The following TOX variants were observed in gnomAD, a reference collection of about 807,000 sequenced individuals.
The protein encoded by TOX is thymocyte selection associated high mobility group box.
TOX carries 11 observed loss-of-function variants against 53.7 expected under a neutral mutation model. The ratio of observed to expected loss-of-function variants is 0.20; its 90% CI spans 0.13 to 0.34. The LOEUF (loss-of-function observed/expected upper bound fraction) is 0.34. TOX is among the 10% of genes least tolerant of loss of function. The pLI is 1.00. For synonymous variants in TOX, 225 were observed against 245.3 expected (o/e 0.92, Z 0.77); for missense variants, 570 against 664.6 (o/e 0.86, Z 1.56).
chr8:59,071,991 T>C (rs1804205133), intron 1 of TOX, among the ~76,000 whole-genome samples: 1 of 152,220 alleles, frequency 6.6e-6, no homozygotes, highest in South Asian at 2.1e-4. Context: ...AATATAAAGT[T>C]AAAATATCGA....
chr8:58,898,895 T>C (rs10093993), intron 3 of TOX, among the ~76,000 whole-genome samples: 83,941 of 152,020 alleles, frequency 0.55, 23,679 homozygotes, highest in African/African-American at 0.66. Context: ...AACGGAGGTG[T>C]TTGTACAAAT....
chr8:58,875,106 C>T lies in TOX; in HGVS notation c.412-23301G>A, dbSNP rs115443840. 1.5e-3 allele frequency among the ~76,000 whole-genome samples: 233 copies of T among 152,292 alleles called. 2 individuals carry two copies. The highest frequency in any genetic ancestry group is 5.3e-3 in the African/African-American group (221 of 41,566). Reference sequence around the variant, plus strand: ...ACCTCTGAGTACAGCCGACAGTTCACGGAGTCTTTCCTTGGTATGTTTGGA... The same window carrying T: ...ACCTCTGAGTACAGCCGACAGTTCATGGAGTCTTTCCTTGGTATGTTTGGA... On this transcript the variant is annotated intron_variant, in intron 3 of 8. Coordinates refer to ENST00000361421, the MANE Select transcript of TOX (RefSeq NM_014729.3).
At chr8:59,012,964 C>T (rs1331281618) in intron 1 of TOX, among the ~76,000 whole-genome samples, 1 of 149,914 alleles carries the variant, frequency 6.7e-6, no homozygotes, top group Non-Finnish European at 1.5e-5. Flanking sequence ...AGTCAGGAAA[C>T]ACTGGTGACA....
intron 5 of TOX, among the ~76,000 whole-genome samples, chr8:58,831,205 G>A (rs10088672): frequency 0.031 from 4,785 of 152,134 alleles, 245 homozygotes; most frequent in African/African-American, 0.11. Flanking sequence ...GTAAGAATCC[G>A]AACCGAGGTC....
intron 1 of TOX, among the ~76,000 whole-genome samples, chr8:59,114,218 A>G (rs1805064637): frequency 6.6e-6 from 1 of 152,256 alleles, no homozygotes; most frequent in Non-Finnish European, 1.5e-5. Context: ...TAAGCAAAAT[A>G]CCAAAATTCT....
intron 1 of TOX, among the ~76,000 whole-genome samples, chr8:59,111,535 A>AAC (rs1052845507): frequency 2.0e-5 from 3 of 151,774 alleles, no homozygotes; most frequent in Admixed American, 6.6e-5. Context: ...GAGAAACACA[A>AAC]ACACACACAC....
At chr8:58,955,195 C>G (rs1373192127) in intron 2 of TOX, among the ~76,000 whole-genome samples, 2 of 151,982 alleles carry the variant, frequency 1.3e-5, no homozygotes, top group Non-Finnish European at 2.9e-5. Context: ...AAGAAAGAGA[C>G]AGAATTCCAG....
chr8:58,959,442 G>T (rs1284364674), intron 2 of TOX, among the ~76,000 whole-genome samples: 1 of 151,856 alleles, frequency 6.6e-6, no homozygotes, highest in Non-Finnish European at 1.5e-5. Context: ...ATGTTTTTTG[G>T]CCTGAAAGCT....
At chr8:58,937,922 A>G (rs1812373797) in intron 3 of TOX, among the ~76,000 whole-genome samples, 1 of 152,170 alleles carries the variant, frequency 6.6e-6, no homozygotes, top group Non-Finnish European at 1.5e-5. Flanking sequence ...AGGTGACTAC[A>G]CTGAAATACA....
At chr8:58,873,045 C>G (rs1811224278) in intron 3 of TOX, among the ~76,000 whole-genome samples, 1 of 151,982 alleles carries the variant, frequency 6.6e-6, no homozygotes, top group Non-Finnish European at 1.5e-5. Flanking sequence ...AAAAATTGCC[C>G]CAGTTTTACT....
chr8:58,963,330 G>T (rs980792580), intron 1 of TOX, among the ~76,000 whole-genome samples: 1 of 151,446 alleles, frequency 6.6e-6, no homozygotes, highest in African/African-American at 2.4e-5. Flanking sequence ...TAGATAGATA[G>T]ATAGATAGAT....
intron 1 of TOX, among the ~76,000 whole-genome samples, chr8:59,111,904 T>C (rs1327835478): frequency 2.0e-5 from 3 of 152,132 alleles, no homozygotes; most frequent in Admixed American, 1.3e-4. Context: ...CATTTAAATC[T>C]CCCAAGCAAA....
At chr8:59,091,493 G>C (rs1027966436) in intron 1 of TOX, among the ~76,000 whole-genome samples, 1 of 151,806 alleles carries the variant, frequency 6.6e-6, no homozygotes, top group Non-Finnish European at 1.5e-5. Context: ...TTACCAATAT[G>C]CTCTTCTTGG....
At chr8:58,877,427 C>T (rs1811304566) in intron 3 of TOX, among the ~76,000 whole-genome samples, 1 of 152,202 alleles carries the variant, frequency 6.6e-6, no homozygotes, top group Non-Finnish European at 1.5e-5. Context: ...TGTGGTCCCG[C>T]ACAAAATTGT....
intron 3 of TOX, among the ~76,000 whole-genome samples, chr8:58,892,228 C>A (rs750478508): frequency 2.0e-5 from 3 of 152,020 alleles, no homozygotes; most frequent in Non-Finnish European, 4.4e-5. Flanking sequence ...TTATGGCATG[C>A]CTTAATGCAA....
At chr8:58,848,498 A>G (rs1329321758) in intron 4 of TOX, among the ~76,000 whole-genome samples, 1 of 152,136 alleles carries the variant, frequency 6.6e-6, no homozygotes. Flanking sequence ...TTCAACAGAA[A>G]AGCAGAAAGT....
intron 1 of TOX, among the ~76,000 whole-genome samples, chr8:59,050,394 C>T (rs1015627085): frequency 3.9e-5 from 6 of 152,052 alleles, no homozygotes; most frequent in South Asian, 4.2e-4. Flanking sequence ...ATATTAGAAA[C>T]GATAAGCCAG....
At chr8:59,029,818 T>G (rs1814320459) in intron 1 of TOX, among the ~76,000 whole-genome samples, 1 of 152,268 alleles carries the variant, frequency 6.6e-6, no homozygotes, top group Non-Finnish European at 1.5e-5. Flanking sequence ...TCCAACCCAT[T>G]ATATGAAATT....
chr8:59,041,399 C>T (rs978098908), intron 1 of TOX, among the ~76,000 whole-genome samples: 2 of 152,130 alleles, frequency 1.3e-5, no homozygotes, highest in Non-Finnish European at 2.9e-5. Context: ...ATGCTGTTTA[C>T]CATTTTTCCC....
Sources: allele counts gnomAD v4.1 joint callset (sites outside exome capture counted in the v4.1 genomes callset), GRCh38; gene constraint gnomAD v4.1.1; transcripts MANE v1.5; gene names NCBI Gene and HGNC (gene_info 2026-07-23, HGNC 2026-07-21).